GALNT2: variants seen among roughly 807,000 people sequenced by gnomAD.
The protein encoded by GALNT2 is UDP-GalNAc:polypeptide N-acetylgalactosaminyltransferase 2.
Under a neutral mutation model 81.4 loss-of-function variants are expected in GALNT2, and 31 were observed. The ratio of observed to expected loss-of-function variants is 0.38; its 90% CI spans 0.29 to 0.51. The LOEUF (loss-of-function observed/expected upper bound fraction) is 0.51, where lower values mean the gene tolerates loss of function less well. Among genes scored for constraint, GALNT2 ranks in the 20% least tolerant of loss-of-function variants. The pLI is 0.87. For missense variants in GALNT2, 629 were observed against 765.7 expected (o/e 0.82, Z 2.11); for synonymous variants, 303 against 287.4 (o/e 1.05, Z -0.55).
intron 8 of GALNT2, among the ~76,000 whole-genome samples, chr1:230,248,204 G>T (rs892862970): frequency 6.6e-6 from 1 of 152,260 alleles, no homozygotes; most frequent in Admixed American, 6.5e-5. Context: ...CACTGGGGCT[G>T]TCAGGGCGGA....
chr1:230,104,033 C>T (rs1196498213), intron 1 of GALNT2, among the ~76,000 whole-genome samples: 1 of 152,144 alleles, frequency 6.6e-6, no homozygotes, highest in African/African-American at 2.4e-5. Context: ...ATTGATTCAG[C>T]TTGTGCTTAC....
intron 4 of GALNT2, 54 bp downstream of exon 4, chr1:230,236,166 C>T: frequency 6.4e-7 from 1 of 1,558,726 alleles, no homozygotes. Context: ...TAGCTGTGTC[C>T]CAGGCACAGT....
chr1:230,144,774 G>A (rs899875577), intron 1 of GALNT2, among the ~76,000 whole-genome samples: 1 of 152,070 alleles, frequency 6.6e-6, no homozygotes, highest in African/African-American at 2.4e-5. Flanking sequence ...CTTATGTGGG[G>A]TGAGGATTAA....
intron 2 of GALNT2, 45 bp downstream of exon 2, chr1:230,178,356 T>C: frequency 4.8e-6 from 7 of 1,444,826 alleles, no homozygotes; most frequent in Non-Finnish European, 6.8e-6. Flanking sequence ...AGCACGTGAT[T>C]GGGAGTGGAC....
At chr1:230,172,400 C>T (rs549172342) in intron 1 of GALNT2, among the ~76,000 whole-genome samples, 1 of 152,346 alleles carries the variant, frequency 6.6e-6, no homozygotes, top group East Asian at 1.9e-4. Context: ...GAAATCTTTG[C>T]AGCCCCATTA....
intron 1 of GALNT2, among the ~76,000 whole-genome samples, chr1:230,140,776 G>C (rs1380194095): frequency 6.6e-6 from 1 of 152,180 alleles, no homozygotes; most frequent in Non-Finnish European, 1.5e-5. Flanking sequence ...TAACTCAGTA[G>C]TAAATGAATT....
At chr1:230,121,823 T>A (rs1195243409) in intron 1 of GALNT2, among the ~76,000 whole-genome samples, 6 of 152,170 alleles carry the variant, frequency 3.9e-5, no homozygotes, top group Non-Finnish European at 5.9e-5. Flanking sequence ...ATCAGTAACT[T>A]GCTCGAGGTC....
intron 3 of GALNT2, among the ~76,000 whole-genome samples, chr1:230,208,332 G>C (rs1572088533): frequency 6.6e-6 from 1 of 152,174 alleles, no homozygotes; most frequent in East Asian, 1.9e-4. Context: ...GCTTGGAAGA[G>C]GGTGCCAAGG....
Position 230,271,875 on chromosome 1 carries a change from C to G in GALNT2, c.1441-2570C>G, listed in dbSNP as rs370192678. Among the ~76,000 whole-genome samples, 67 of 152,354 alleles carry G rather than the reference C, an allele frequency of 4.4e-4. No individual in the cohort carries two copies. The highest frequency in any genetic ancestry group is 1.5e-3 in the African/African-American group (64 of 41,580). ...ATGGGCATGATCTCCAGCTCCTCTT[C>G]CCTTCCCAGAGGATGGGGTGGCGGG... On this transcript the variant is annotated intron_variant, in intron 14 of 15. Transcript: ENST00000366672. This position sits in a 1 kb window ranked among gnomAD's most constrained non-coding sequence, Gnocchi z 4.2.
chr1:230,159,703 G>C (rs192180933), intron 1 of GALNT2, among the ~76,000 whole-genome samples: 4 of 152,358 alleles, frequency 2.6e-5, no homozygotes, highest in Admixed American at 2.6e-4. Flanking sequence ...GTGATAGACT[G>C]CATGTCTCAT....
intron 1 of GALNT2, among the ~76,000 whole-genome samples, chr1:230,075,121 CTTTT>C (rs34482749): frequency 2.2e-5 from 2 of 92,600 alleles, no homozygotes; most frequent in South Asian, 4.3e-4. Flanking sequence ...GTCTGTTTTG[CTTTT>C]TTTTTTTTTT....
chr1:230,109,967 C>G (rs1361775267), intron 1 of GALNT2, among the ~76,000 whole-genome samples: 1 of 152,192 alleles, frequency 6.6e-6, no homozygotes, highest in Non-Finnish European at 1.5e-5. Flanking sequence ...AGTTCTGTTT[C>G]TGTTTCCTGT....
chr1:230,091,659 T>G (rs1329099482), intron 1 of GALNT2: 1 of 152,274 alleles, frequency 6.6e-6, no homozygotes, highest in African/African-American at 2.4e-5. Context: ...TGCCAGTGGC[T>G]TCCGGGCCAC....
At chr1:230,153,872 A>G (rs1240910270) in intron 1 of GALNT2, among the ~76,000 whole-genome samples, 1 of 152,234 alleles carries the variant, frequency 6.6e-6, no homozygotes, top group Non-Finnish European at 1.5e-5. Flanking sequence ...TGATATGTTC[A>G]TAAAAGCTAC....
intron 1 of GALNT2, among the ~76,000 whole-genome samples, chr1:230,150,445 G>A (rs1277166573): frequency 6.6e-6 from 1 of 152,184 alleles, no homozygotes; most frequent in East Asian, 1.9e-4. Context: ...GCTTTAAAAA[G>A]ACATAGTACA....
At chr1:230,268,456 AG>A (rs1345445371) in intron 14 of GALNT2, 1 of 152,120 alleles carries the variant, frequency 6.6e-6, no homozygotes, top group Non-Finnish European at 1.5e-5. Flanking sequence ...GATTTATGGA[AG>A]GTTGGAGAGG....
chr1:230,255,525 T>G, intron 11 of GALNT2, 181 bp downstream of exon 11: 10 of 726,054 alleles, frequency 1.4e-5, no homozygotes, highest in Non-Finnish European at 1.8e-5. Flanking sequence ...TGGGCGCCTT[T>G]CCAGGGCATG....
chr1:230,095,648 G>T (rs2102771629), intron 1 of GALNT2, among the ~76,000 whole-genome samples: 1 of 152,304 alleles, frequency 6.6e-6, no homozygotes, highest in East Asian at 1.9e-4. Context: ...CCAAGGGCAT[G>T]TACTTCTCAC....
At position 230,279,560 on chromosome 1, in the gene GALNT2, T is replaced by C. The variant is rs1037439282; in HGVS notation, c.*102T>C. The stretch of plus-strand genomic sequence containing the variant: ...TCTTAAACTTTCCGCGAAACTAATA[T>C]ACCTCAGTATTCCATCATGGTCTGA... On this transcript the variant is annotated 3_prime_UTR_variant, in exon 16 of 16. Transcript: ENST00000366672. This position sits in a 1 kb window ranked among gnomAD's most constrained non-coding sequence, Gnocchi z 4.6. 30 of 1,353,910 alleles carry C rather than the reference T, an allele frequency of 2.2e-5. No individual in the cohort carries two copies. Among genetic ancestry groups the C allele is most frequent in the Non-Finnish European group, 3.0e-5 (30 of 994,324 alleles). The allele number at this position is 1,353,910 out of a possible 1,614,324, so 83.9% of individuals were successfully genotyped here. A position where few individuals can be genotyped will look rare whatever the true frequency, so the allele number is the denominator to read the frequency against.
Sources: gnomAD v4.1 joint callset for allele counts (sites outside exome capture counted in the v4.1 genomes callset) on GRCh38, gnomAD v4.1.1 for gene constraint, Gnocchi (gnomAD v3.1) non-coding constraint, MANE v1.5 for transcripts, NCBI Gene and HGNC (gene_info 2026-07-23, HGNC 2026-07-21) for gene names.